PCNX2: variants seen among roughly 807,000 people sequenced by gnomAD.
PCNX2 encodes pecanex 2, also known as pecanex-like protein 2.
In PCNX2, 168 loss-of-function variants were observed where a neutral mutation model predicts 223.8. The observed-to-expected ratio is 0.75, with a 90% CI of 0.66 to 0.85. The LOEUF (loss-of-function observed/expected upper bound fraction) is 0.85, where lower values mean the gene tolerates loss of function less well. Ranked by LOEUF, PCNX2 falls within the 40% of genes least tolerant of loss-of-function variation. The probability of loss-of-function intolerance (pLI) is 0.00; values close to 1 mark genes in which losing one functional copy is unlikely to be tolerated. For missense variants in PCNX2, 2,507 were observed against 2,675.5 expected (o/e 0.94, Z 1.39); for synonymous variants, 1,006 against 1,052.6 (o/e 0.96, Z 0.86).
At chr1:233,137,092 C>T (rs750788787) in intron 20 of PCNX2, among the ~76,000 whole-genome samples, 4 of 152,190 alleles carry the variant, frequency 2.6e-5, no homozygotes, top group Non-Finnish European at 5.9e-5. Context: ...CCTCAAATAA[C>T]GTTGCTTCAT....
At chr1:233,230,282 T>A (rs528879681) in intron 9 of PCNX2, among the ~76,000 whole-genome samples, 1 of 151,960 alleles carries the variant, frequency 6.6e-6, no homozygotes, top group South Asian at 2.1e-4. Context: ...AGTAAAGGGG[T>A]CTTGGGCATT....
intron 19 of PCNX2, among the ~76,000 whole-genome samples, chr1:233,150,428 A>C (rs779413320): frequency 1.3e-5 from 2 of 152,232 alleles, no homozygotes; most frequent in Non-Finnish European, 2.9e-5. Flanking sequence ...ATCATGGTAA[A>C]TTTCTCAAAG....
chr1:233,210,606 G>A, intron 12 of PCNX2: 4 of 985,324 alleles, frequency 4.1e-6, no homozygotes, highest in Non-Finnish European at 4.8e-6. Context: ...TGATTTCTGA[G>A]AACACCTGTT....
intron 6 of PCNX2, 55 bp downstream of exon 6, chr1:233,252,586 A>G: frequency 1.3e-6 from 2 of 1,591,118 alleles, no homozygotes; most frequent in Non-Finnish European, 1.7e-6. Flanking sequence ...CCAGTAAATG[A>G]GGCTGTCTCA....
chr1:233,127,075 C>G (rs1252849146), intron 21 of PCNX2, among the ~76,000 whole-genome samples: 1 of 152,188 alleles, frequency 6.6e-6, no homozygotes, highest in African/African-American at 2.4e-5. Flanking sequence ...CAATAATTTC[C>G]TATTCAGTTC....
intron 10 of PCNX2, among the ~76,000 whole-genome samples, chr1:233,223,292 A>G (rs994418292): frequency 6.6e-5 from 10 of 152,156 alleles, no homozygotes; most frequent in African/African-American, 2.2e-4. Context: ...GGCAGGTTCA[A>G]CGGAGTTTTG....
chr1:233,087,807 C>T (rs150650607), intron 23 of PCNX2, among the ~76,000 whole-genome samples: 228 of 152,248 alleles, frequency 1.5e-3, no homozygotes, highest in Middle Eastern at 0.01. Context: ...TTCCACTTGG[C>T]TCCTTTGGAA....
At chr1:233,136,381 A>C (rs762121562) in intron 20 of PCNX2, among the ~76,000 whole-genome samples, 3 of 152,224 alleles carry the variant, frequency 2.0e-5, no homozygotes, top group Non-Finnish European at 4.4e-5. Context: ...TTATTTAAGA[A>C]GTACAAAATT....
intron 15 of PCNX2, among the ~76,000 whole-genome samples, chr1:233,186,836 G>T (rs1284763193): frequency 2.0e-5 from 3 of 152,104 alleles, no homozygotes; most frequent in African/African-American, 7.2e-5. Flanking sequence ...ACAGAATAAC[G>T]GGTCCCACGT....
chr1:233,296,266 C>G (rs995841591), upstream of PCNX2, among the ~76,000 whole-genome samples: 2 of 152,188 alleles, frequency 1.3e-5, no homozygotes, highest in African/African-American at 2.4e-5. Context: ...TAAGCTCTAC[C>G]TGGTCCTCTG....
chr1:233,051,573 T>C (rs1672008311), intron 25 of PCNX2, among the ~76,000 whole-genome samples: 1 of 152,210 alleles, frequency 6.6e-6, no homozygotes, highest in African/African-American at 2.4e-5. Context: ...GATGCCATTA[T>C]CCTAAGCAAA....
At chr1:233,145,727 T>G (rs1677406922) in intron 19 of PCNX2, among the ~76,000 whole-genome samples, 1 of 152,164 alleles carries the variant, frequency 6.6e-6, no homozygotes. Flanking sequence ...TTTAGAATTC[T>G]CAGTACATGG....
chr1:233,033,221 G>A, intron 25 of PCNX2: 1 of 982,616 alleles, frequency 1.0e-6, no homozygotes, highest in East Asian at 1.1e-4. Flanking sequence ...CCAATGCCAA[G>A]CCCAGCCAGA....
intron 25 of PCNX2, among the ~76,000 whole-genome samples, chr1:233,029,486 C>A (rs1480001620): frequency 6.6e-6 from 1 of 152,188 alleles, no homozygotes; most frequent in East Asian, 1.9e-4. Flanking sequence ...CCATTTCTCA[C>A]AATCTTCATT....
Position 233,295,416 on chromosome 1 carries a change from C to T in PCNX2, c.63G>A (p.Trp21Ter), listed in dbSNP as rs1349981359. 2 of 1,552,612 alleles carry T rather than the reference C, an allele frequency of 1.3e-6. No homozygotes were observed. Among genetic ancestry groups the T allele is most frequent in the Non-Finnish European group, 1.7e-6 (2 of 1,147,616 alleles). ...ACTTGCTCTGCTCCGGGTCGTGGTA[C>T]CAGCCCCCGGTGAGCGCGGCCCACA... The part of the protein sequence containing the change: ...QGVWAALTGG[W>*]YHDPEQSKFT... The change falls in exon 1 of 34, where the codon TGG (tryptophan) becomes TGA (stop). Residue 21 changes from tryptophan to a stop codon, truncating the protein, a stop_gained. Coordinates refer to ENST00000258229, the MANE Select transcript of PCNX2 (RefSeq NM_014801.4). LOFTEE classifies it high-confidence loss of function. The surrounding 1 kb of genome is among the most constrained non-coding windows in gnomAD (Gnocchi z 4.1).
chr1:233,280,579 T>C (rs1448535496), intron 1 of PCNX2, among the ~76,000 whole-genome samples: 3 of 152,196 alleles, frequency 2.0e-5, no homozygotes, highest in Non-Finnish European at 4.4e-5. Flanking sequence ...ATTACAGGCA[T>C]GAGCCACCGT....
chr1:233,295,220 T>C lies in PCNX2; in HGVS notation c.153+106A>G. On this transcript the variant is annotated intron_variant, in intron 1 of 33. Transcript: ENST00000258229. The surrounding 1 kb of genome is among the most constrained non-coding windows in gnomAD (Gnocchi z 4.1). ...CCCCTCCCTTTCCGTCTCTTAAGAA[T>C]CTCTACGAACCCGAAAGCCCGTGAG... 1 of 1,474,626 alleles carries C rather than the reference T, an allele frequency of 6.8e-7. No individual in the cohort carries two copies. The highest frequency in any genetic ancestry group is 9.2e-7 in the Non-Finnish European group (1 of 1,085,594). The allele number at this position is 1,474,626 out of a possible 1,614,324, so 91.3% of individuals were successfully genotyped here. A position where few individuals can be genotyped will look rare whatever the true frequency, so the allele number is the denominator to read the frequency against.
chr1:233,021,523 C>T (rs1329360003), intron 26 of PCNX2, among the ~76,000 whole-genome samples: 1 of 152,104 alleles, frequency 6.6e-6, no homozygotes, highest in Non-Finnish European at 1.5e-5. Flanking sequence ...CCTTGGGTCC[C>T]ACCCCAGGCC....
intron 26 of PCNX2, among the ~76,000 whole-genome samples, chr1:233,017,506 C>CG (rs1458356409): frequency 1.3e-5 from 2 of 151,928 alleles, no homozygotes; most frequent in African/African-American, 4.8e-5. Context: ...TTAGTGGAGA[C>CG]GGGGTTTCAC....
Sources: allele counts gnomAD v4.1 joint callset (sites outside exome capture counted in the v4.1 genomes callset), GRCh38; gene constraint gnomAD v4.1.1; non-coding constraint Gnocchi (gnomAD v3.1); transcripts MANE v1.5; gene names NCBI Gene and HGNC (gene_info 2026-07-23, HGNC 2026-07-21).